The following DLGAP2 variants were observed in gnomAD, a reference collection of about 807,000 sequenced individuals.
DLGAP2 encodes DLG associated protein 2.
DLGAP2 carries 26 observed loss-of-function variants against 100.3 expected under a neutral mutation model. That is an observed-to-expected ratio of 0.26 (90% CI 0.19 to 0.36). DLGAP2 has a LOEUF of 0.36. Ranked by LOEUF, DLGAP2 falls within the 10% of genes least tolerant of loss-of-function variation. DLGAP2 has a pLI of 1.00. For missense variants in DLGAP2, 1,858 were observed against 1,453.2 expected (o/e 1.28, Z -4.53); for synonymous variants, 886 against 630.1 (o/e 1.41, Z -6.08).
At chr8:828,062 G>A (rs1338110297) in intron 1 of DLGAP2, among the ~76,000 whole-genome samples, 4 of 152,126 alleles carry the variant, frequency 2.6e-5, no homozygotes, top group Non-Finnish European at 5.9e-5. Flanking sequence ...GTACTTAACA[G>A]GGTAATAGAA....
In DLGAP2 at chr8:1,509,347, G is replaced by T. The variant is rs751391864; in HGVS notation, c.172+7916G>T. 5.7e-3 allele frequency among the ~76,000 whole-genome samples: 775 copies of T among 135,052 alleles called. 7 individuals carry two copies. The highest frequency in any genetic ancestry group is 8.2e-3 in the Non-Finnish European group (515 of 62,580). The allele number at this position is 135,052 out of a possible 152,430, so 88.6% of individuals were successfully genotyped here. ...TCCGTCCAAAAAAAAAAAAAAAACC[G>T]TATAGACTAGAAAATACCAAAGTAC... is the stretch of plus-strand genomic sequence containing the variant. On this transcript the variant is annotated intron_variant, in intron 4 of 14. Transcript: ENST00000637795.
intron 8 of DLGAP2, among the ~76,000 whole-genome samples, chr8:1,646,040 C>A (rs1798033383): frequency 6.6e-6 from 1 of 152,292 alleles, no homozygotes; most frequent in Non-Finnish European, 1.5e-5. Flanking sequence ...CATGTGGCAA[C>A]TTGACTGGGC....
chr8:1,104,352 G>T (rs1224105513), intron 2 of DLGAP2, among the ~76,000 whole-genome samples: 1 of 152,112 alleles, frequency 6.6e-6, no homozygotes, highest in South Asian at 2.1e-4. Flanking sequence ...GTGGAGGGAG[G>T]GTTGATGCCA....
chr8:1,206,556 CT>C (rs1797997636), intron 2 of DLGAP2, among the ~76,000 whole-genome samples: 1 of 150,992 alleles, frequency 6.6e-6, no homozygotes, highest in Non-Finnish European at 1.5e-5. Flanking sequence ...AGCGGTTAAT[CT>C]CCAGCCATCC....
intron 2 of DLGAP2, among the ~76,000 whole-genome samples, chr8:1,241,354 G>T (rs1054223149): frequency 6.9e-6 from 1 of 145,576 alleles, no homozygotes; most frequent in African/African-American, 2.8e-5. Context: ...ACATGGCGCC[G>T]TGTCTAGTTC....
At chr8:1,328,594 G>T (rs887701900) in intron 3 of DLGAP2, among the ~76,000 whole-genome samples, 26 of 152,214 alleles carry the variant, frequency 1.7e-4, no homozygotes, top group African/African-American at 5.8e-4. Context: ...CAGGTGATCT[G>T]CCCGCCTTGG....
At position 1,281,512 on chromosome 8, in the gene DLGAP2, GC is replaced by G. The variant is rs1457806008; in HGVS notation, c.106+22632del. Among the ~76,000 whole-genome samples the G allele has an allele frequency of 8.5e-5, 13 of 152,318 alleles. No homozygotes were observed. In the South Asian group the frequency reaches 1.0e-3, roughly 12 times the overall value. On this transcript the variant is annotated intron_variant, in intron 3 of 14. Coordinates refer to ENST00000637795, the MANE Select transcript of DLGAP2 (RefSeq NM_001346810.2). Reference sequence around the variant, plus strand: ...ACACACATCAGCCCCGGCGGAGACAGCCCTGGACTCCCTGATGTCTCCTGTG... The same window carrying G: ...ACACACATCAGCCCCGGCGGAGACAGCCTGGACTCCCTGATGTCTCCTGTG...
intron 2 of DLGAP2, among the ~76,000 whole-genome samples, chr8:1,045,134 C>T (rs1017096562): frequency 6.6e-6 from 1 of 152,184 alleles, no homozygotes; most frequent in Non-Finnish European, 1.5e-5. Context: ...ACGCAGAAAC[C>T]CTGGTCTAGA....
chr8:1,194,742 T>G (rs1453839409), intron 2 of DLGAP2, among the ~76,000 whole-genome samples: 1 of 152,186 alleles, frequency 6.6e-6, no homozygotes, highest in Non-Finnish European at 1.5e-5. Flanking sequence ...CTGGGCCCGA[T>G]GAGCTTCATT....
Position 1,468,748 on chromosome 8 carries a change from C to A in DLGAP2, c.107-32618C>A, listed in dbSNP as rs78863950. Among the ~76,000 whole-genome samples, 1,341 of 150,536 alleles carry A rather than the reference C, an allele frequency of 8.9e-3. 12 individuals are homozygous for A. Among genetic ancestry groups the A allele is most frequent in the South Asian group, 0.019 (93 of 4,824 alleles). Reference sequence around the variant, plus strand: ...CTCGCCATTCTGGATGCCAGAAGACCAAAGCTGAGGCATGGGCAGAGCTGC... The same window carrying A: ...CTCGCCATTCTGGATGCCAGAAGACAAAAGCTGAGGCATGGGCAGAGCTGC... On this transcript the variant is annotated intron_variant, in intron 3 of 14. Coordinates refer to ENST00000637795, the MANE Select transcript of DLGAP2 (RefSeq NM_001346810.2).
chr8:1,624,969 T>C (rs930865184), intron 6 of DLGAP2, among the ~76,000 whole-genome samples: 1 of 152,182 alleles, frequency 6.6e-6, no homozygotes, highest in South Asian at 2.1e-4. Flanking sequence ...AGCAAAAATA[T>C]TTAGCAGAAA....
intron 2 of DLGAP2, among the ~76,000 whole-genome samples, chr8:1,062,356 A>G (rs985878729): frequency 7.9e-5 from 12 of 152,134 alleles, no homozygotes; most frequent in African/African-American, 2.4e-4. Flanking sequence ...TCGGAGGCAC[A>G]CTCGGTCGTC....
chr8:1,336,911 C>A (rs1801287596), intron 3 of DLGAP2, among the ~76,000 whole-genome samples: 1 of 152,162 alleles, frequency 6.6e-6, no homozygotes, highest in South Asian at 2.1e-4. Flanking sequence ...TTTTCACTAG[C>A]AAAATGACAT....
At chr8:1,614,805 G>A (rs1015835018) in intron 6 of DLGAP2, among the ~76,000 whole-genome samples, 6 of 152,250 alleles carry the variant, frequency 3.9e-5, no homozygotes, top group African/African-American at 1.4e-4. Context: ...ACAGATGACA[G>A]CCATGAACTG....
intron 3 of DLGAP2, among the ~76,000 whole-genome samples, chr8:1,443,818 A>G (rs1344992652): frequency 6.6e-6 from 1 of 152,198 alleles, no homozygotes; most frequent in Non-Finnish European, 1.5e-5. Context: ...ATTACAATTC[A>G]AGATGAGATT....
chr8:1,568,456 G>A (rs76653076), intron 6 of DLGAP2, among the ~76,000 whole-genome samples: 1 of 128,872 alleles, frequency 7.8e-6, no homozygotes, highest in Non-Finnish European at 1.6e-5. Flanking sequence ...TGGCCCCCGT[G>A]CCACTGTCCA....
chr8:1,051,129 G>C (rs999036680), intron 2 of DLGAP2, among the ~76,000 whole-genome samples: 5 of 151,954 alleles, frequency 3.3e-5, no homozygotes, highest in Non-Finnish European at 7.4e-5. Context: ...TTCCATGATG[G>C]CCCTGGATGG....
chr8:1,186,567 C>T (rs942559746), intron 2 of DLGAP2, among the ~76,000 whole-genome samples: 3 of 152,136 alleles, frequency 2.0e-5, no homozygotes, highest in Non-Finnish European at 2.9e-5. Flanking sequence ...GATGTTATTA[C>T]GGCCATTCCC....
At chr8:1,448,814 C>T (rs1798056146) in intron 3 of DLGAP2, among the ~76,000 whole-genome samples, 1 of 152,196 alleles carries the variant, frequency 6.6e-6, no homozygotes, top group South Asian at 2.1e-4. Flanking sequence ...TCAATCATTG[C>T]CCTGATCCGG....
Sources: allele counts gnomAD v4.1 joint callset (sites outside exome capture counted in the v4.1 genomes callset), GRCh38; gene constraint gnomAD v4.1.1; transcripts MANE v1.5; gene names NCBI Gene and HGNC (gene_info 2026-07-23, HGNC 2026-07-21).